NKAIN2: variants seen among roughly 807,000 people sequenced by gnomAD.
The protein encoded by NKAIN2 is sodium/potassium transporting ATPase interacting 2.
NKAIN2 carries 14 observed loss-of-function variants against 32.6 expected under a neutral mutation model. The ratio of observed to expected loss-of-function variants is 0.43; its 90% CI spans 0.28 to 0.67. NKAIN2 has a LOEUF of 0.67. Ranked by LOEUF, NKAIN2 falls within the 30% of genes least tolerant of loss-of-function variation. The probability of loss-of-function intolerance (pLI) is 0.17; values close to 1 mark genes in which losing one functional copy is unlikely to be tolerated. For missense variants in NKAIN2, 198 were observed against 258.3 expected (o/e 0.77, Z 1.60); for synonymous variants, 80 against 87.2 (o/e 0.92, Z 0.46).
At chr6:124,501,055 T>C (rs1426751151) in intron 3 of NKAIN2, among the ~76,000 whole-genome samples, 1 of 151,972 alleles carries the variant, frequency 6.6e-6, no homozygotes, top group Non-Finnish European at 1.5e-5. Context: ...AGCAGAGCGG[T>C]GAGGTAATAA....
rs118031493 is a variant in NKAIN2, at chr6:124,771,089, G to T, written c.475-20250G>T. Among the ~76,000 whole-genome samples, 639 of 152,162 alleles carry T rather than the reference G, an allele frequency of 4.2e-3. 2 individuals carry two copies. Among genetic ancestry groups the T allele is most frequent in the Admixed American group, 7.7e-3 (117 of 15,276 alleles). Reference sequence around the variant, plus strand: ...CAGATCCTAATTCCATGAGTATCTTGACTAGTCCAAAAGCCCTTACTCCTA... The same window carrying T: ...CAGATCCTAATTCCATGAGTATCTTTACTAGTCCAAAAGCCCTTACTCCTA... On this transcript the variant is annotated intron_variant, in intron 4 of 6. Transcript: ENST00000368417.
chr6:124,591,701 TTTC>T (rs1365209566), intron 3 of NKAIN2, among the ~76,000 whole-genome samples: 4 of 152,308 alleles, frequency 2.6e-5, no homozygotes, highest in Middle Eastern at 6.8e-3. Context: ...TAATACATAT[TTTC>T]TTCTTTCCCT....
chr6:124,289,609 A>G (rs1795708919), intron 2 of NKAIN2, among the ~76,000 whole-genome samples: 1 of 152,218 alleles, frequency 6.6e-6, no homozygotes, highest in African/African-American at 2.4e-5. Flanking sequence ...CTAAATTTCT[A>G]GAATTTACTA....
intron 1 of NKAIN2, among the ~76,000 whole-genome samples, chr6:123,970,336 A>T (rs551993871): frequency 3.5e-4 from 53 of 152,174 alleles, no homozygotes; most frequent in Non-Finnish European, 6.2e-4. Flanking sequence ...AAATAGTAAG[A>T]GTTTAAATTT....
At position 124,080,588 on chromosome 6, in the gene NKAIN2, C is replaced by A. The variant is rs560794072; in HGVS notation, c.55-202417C>A. Among the ~76,000 whole-genome samples the A allele has an allele frequency of 2.6e-5, 4 of 151,432 alleles. No homozygotes were observed. In the South Asian group the frequency reaches 6.3e-4, roughly 24 times the overall value. ...ATAATCCCTTGAGTTTATATTAGAC[C>A]AAAAAACATTGTACCAACTACATTT... On this transcript the variant is annotated intron_variant, in intron 1 of 6. Transcript: ENST00000368417.
At chr6:124,380,940 C>A (rs1218148152) in intron 3 of NKAIN2, among the ~76,000 whole-genome samples, 1 of 152,096 alleles carries the variant, frequency 6.6e-6, no homozygotes, top group East Asian at 1.9e-4. Flanking sequence ...AAAAGACTAC[C>A]ACTTGTATCG....
chr6:124,088,784 AG>A (rs1203614640), intron 1 of NKAIN2, among the ~76,000 whole-genome samples: 2 of 152,064 alleles, frequency 1.3e-5, no homozygotes, highest in Non-Finnish European at 2.9e-5. Context: ...GTTTTACAAA[AG>A]CATCTAGTAG....
intron 5 of NKAIN2, among the ~76,000 whole-genome samples, chr6:124,815,390 C>T (rs1171462298): frequency 1.3e-5 from 2 of 151,764 alleles, no homozygotes; most frequent in African/African-American, 4.8e-5. Flanking sequence ...ACTCCTGAGC[C>T]TCCCGAGTAG....
chr6:124,281,133 C>T (rs1795273316), intron 1 of NKAIN2, among the ~76,000 whole-genome samples: 1 of 152,060 alleles, frequency 6.6e-6, no homozygotes. Context: ...TGTGTTTCAT[C>T]CTCTATACGT....
intron 3 of NKAIN2, among the ~76,000 whole-genome samples, chr6:124,424,996 T>A (rs1774920576): frequency 1.3e-5 from 2 of 152,138 alleles, no homozygotes; most frequent in Admixed American, 1.3e-4. Flanking sequence ...GTTTTCCCTA[T>A]GGCTATACCA....
At position 123,890,863 on chromosome 6, in the gene NKAIN2, C is replaced by A. The variant is rs570553939; in HGVS notation, c.54+86609C>A. ...CTTATAAGAATTGAAAACAGGGACTCAAACAAATACCTATATACCAATGTT... is the reference window on the plus strand; with the variant it reads ...CTTATAAGAATTGAAAACAGGGACTAAAACAAATACCTATATACCAATGTT... On this transcript the variant is annotated intron_variant, in intron 1 of 6. Transcript: ENST00000368417. Among the ~76,000 whole-genome samples, 9 of 152,218 alleles carry A rather than the reference C, an allele frequency of 5.9e-5. No homozygotes were observed. In the South Asian group the frequency reaches 1.9e-3, roughly 32 times the overall value.
At chr6:123,820,010 A>G (rs1013208445) in intron 1 of NKAIN2, among the ~76,000 whole-genome samples, 4 of 152,232 alleles carry the variant, frequency 2.6e-5, no homozygotes, top group African/African-American at 4.8e-5. Context: ...TGTATTTTCT[A>G]AAGATAAGGT....
chr6:124,804,683 G>A (rs1449301185), intron 5 of NKAIN2, among the ~76,000 whole-genome samples: 2 of 152,216 alleles, frequency 1.3e-5, no homozygotes, highest in Non-Finnish European at 2.9e-5. Context: ...GCCGAAGCAG[G>A]GCGAGGCATT....
In NKAIN2 at chr6:124,497,793, A is replaced by G. The variant is rs1156783868; in HGVS notation, c.273+142446A>G. On this transcript the variant is annotated intron_variant, in intron 3 of 6. Coordinates refer to ENST00000368417, the MANE Select transcript of NKAIN2 (RefSeq NM_001040214.3). ...ATGTATTTCTACTTTTTCAAATTTC[A>G]CAGTTTTAGATTTGTTTCTAGAGTA... Among the ~76,000 whole-genome samples the G allele has an allele frequency of 2.7e-5, 4 of 148,078 alleles. No individual in the cohort carries two copies. The East Asian group carries it at 8.1e-4, about 30-fold the overall frequency.
chr6:124,462,347 T>C (rs574472270), intron 3 of NKAIN2, among the ~76,000 whole-genome samples: 1 of 152,094 alleles, frequency 6.6e-6, no homozygotes, highest in East Asian at 1.9e-4. Flanking sequence ...GTTAATTTGT[T>C]TGAGTTTTTA....
At chr6:123,930,270 G>A (rs986854661) in intron 1 of NKAIN2, among the ~76,000 whole-genome samples, 2 of 152,118 alleles carry the variant, frequency 1.3e-5, no homozygotes, top group Non-Finnish European at 2.9e-5. Flanking sequence ...TTCAGCTAGA[G>A]TTGTTTGTAC....
chr6:124,068,469 C>A (rs1783293706), intron 1 of NKAIN2, among the ~76,000 whole-genome samples: 1 of 152,026 alleles, frequency 6.6e-6, no homozygotes, highest in Admixed American at 6.6e-5. Flanking sequence ...TGGCTCACTG[C>A]AGCCTCCAAT....
At chr6:124,271,050 G>T (rs955542888) in intron 1 of NKAIN2, among the ~76,000 whole-genome samples, 4 of 152,136 alleles carry the variant, frequency 2.6e-5, no homozygotes, top group African/African-American at 9.6e-5. Context: ...TCTCATGATA[G>T]TGAGTGAGTT....
intron 5 of NKAIN2, among the ~76,000 whole-genome samples, chr6:124,817,295 G>A (rs948450007): frequency 6.6e-6 from 1 of 151,432 alleles, no homozygotes; most frequent in African/African-American, 2.4e-5. Context: ...TTTTATGTGT[G>A]ACCCAAGACA....
Sources: allele counts gnomAD v4.1 joint callset (sites outside exome capture counted in the v4.1 genomes callset), GRCh38; gene constraint gnomAD v4.1.1; transcripts MANE v1.5; gene names NCBI Gene and HGNC (gene_info 2026-07-23, HGNC 2026-07-21).